The following CSNK1D variants were observed in gnomAD, a reference collection of about 807,000 sequenced individuals.
CSNK1D encodes the protein casein kinase 1 delta.
A neutral mutation model predicts 46.6 loss-of-function variants in CSNK1D; 16 were observed. The observed-to-expected ratio is 0.34, with a 90% CI of 0.23 to 0.52. CSNK1D has a LOEUF of 0.52. Among genes scored for constraint, CSNK1D ranks in the 20% least tolerant of loss-of-function variants. The pLI is 0.95. For missense variants in CSNK1D, 398 were observed against 578.4 expected (o/e 0.69, Z 3.20); for synonymous variants, 276 against 228.2 (o/e 1.21, Z -1.89).
chr17:82,255,412 CA>C lies in CSNK1D; in HGVS notation c.336+16del, dbSNP rs774889675. ...CAGACAGCAAGTGTGTGCCAACTGT[CA>C]GGAAACAGTCCTTACCATTTGGTCA... On this transcript the variant is annotated intron_variant, in intron 3 of 8. Coordinates refer to ENST00000314028, the MANE Select transcript of CSNK1D (RefSeq NM_001893.6). This position sits in a 1 kb window ranked among gnomAD's most constrained non-coding sequence, Gnocchi z 5.9. 2.8e-5 allele frequency: 46 copies of C among 1,614,070 alleles called. 1 individual carries two copies. The South Asian group carries it at 4.8e-4, about 17-fold the overall frequency.
At chr17:82,242,223 G>C (rs978658286), downstream of CSNK1D, among the ~76,000 whole-genome samples, 2 of 150,402 alleles carry the variant, frequency 1.3e-5, no homozygotes, top group Non-Finnish European at 3.0e-5. Context: ...GGGGGGGGGG[G>C]GAAGAGGAAC....
At position 82,248,812 on chromosome 17, in the gene CSNK1D, C is replaced by A. The variant is rs775762408; in HGVS notation, c.1197+63G>T. On this transcript the variant is annotated intron_variant, in intron 8 of 8. Transcript: ENST00000314028. This position sits in a 1 kb window ranked among gnomAD's most constrained non-coding sequence, Gnocchi z 4.1. ...AGAAGAAGCCCTGGAGAAACCACAGCCCGCTCTTGACTCGGACGGGGTAGC... is the reference window on the plus strand; with the variant it reads ...AGAAGAAGCCCTGGAGAAACCACAGACCGCTCTTGACTCGGACGGGGTAGC... 1.5e-5 allele frequency: 24 copies of A among 1,569,560 alleles called. No individual in the cohort carries two copies. Among genetic ancestry groups the A allele is most frequent in the Non-Finnish European group, 1.2e-5 (14 of 1,157,650 alleles).
At chr17:82,246,085 CCT>C (rs577609770) in intron 8 of CSNK1D, 321 of 1,580,372 alleles carry the variant, frequency 2.0e-4, no homozygotes, top group Admixed American at 1.1e-3. Flanking sequence ...CCGCTGGCCC[CCT>C]GACTACCTGT....
At chr17:82,246,903 G>C in intron 8 of CSNK1D, 1 of 985,668 alleles carries the variant, frequency 1.0e-6, no homozygotes, top group Non-Finnish European at 1.2e-6. Flanking sequence ...GAGGCGCTCA[G>C]AGCAATTGAG....
intron 2 of CSNK1D, among the ~76,000 whole-genome samples, chr17:82,256,279 A>G (rs1310095273): frequency 6.6e-6 from 1 of 152,172 alleles, no homozygotes; most frequent in African/African-American, 2.4e-5. Context: ...GGGAGGCTGA[A>G]ACGGGAGGAC....
Position 82,244,828 on chromosome 17 carries a change from G to C in CSNK1D, c.1201C>G (p.Pro401Ala), listed in dbSNP as rs56124628. 1,452 of 1,613,826 alleles carry C rather than the reference G, an allele frequency of 9.0e-4. 1 individual carries two copies. Among genetic ancestry groups the C allele is most frequent in the Non-Finnish European group, 1.1e-3 (1,344 of 1,180,038 alleles). Residue 401 changes from proline (P) to alanine (A), a missense_variant, in exon 9 of 9, where the codon CCT (proline) becomes GCT (alanine). Pro to Ala is a conservative substitution (Grantham distance 27, BLOSUM62 -1). Coordinates refer to ENST00000314028, the MANE Select transcript of CSNK1D (RefSeq NM_001893.6). ...AGACCACTGGAAGCCACCCGACCAGGAATCTGTCGGAGCCAAAGCACAGGA... is the reference window on the plus strand; with the variant it reads ...AGACCACTGGAAGCCACCCGACCAGCAATCTGTCGGAGCCAAAGCACAGGA... The part of the protein sequence containing the change: ...DTSRMSTSQI[P>A]GRVASSGLQS...
chr17:82,264,257 G>A (rs1171717138), intron 2 of CSNK1D, among the ~76,000 whole-genome samples: 1 of 152,222 alleles, frequency 6.6e-6, no homozygotes, highest in African/African-American at 2.4e-5. Context: ...CTTCTCACTG[G>A]GAGGGCTCCA....
chr17:82,261,341 C>T (rs551477305), intron 2 of CSNK1D, among the ~76,000 whole-genome samples: 2 of 152,172 alleles, frequency 1.3e-5, no homozygotes, highest in South Asian at 4.2e-4. Flanking sequence ...GAAGCGGCCA[C>T]TCATGCTGCT....
chr17:82,245,337 G>A (rs753000926), intron 8 of CSNK1D: 65 of 262,544 alleles, frequency 2.5e-4, no homozygotes, highest in Non-Finnish European at 3.8e-4. Flanking sequence ...CGTGGACGCC[G>A]GCCATGCACC....
At chr17:82,256,032 G>A (rs2051166833) in intron 2 of CSNK1D, among the ~76,000 whole-genome samples, 1 of 152,242 alleles carries the variant, frequency 6.6e-6, no homozygotes, top group Non-Finnish European at 1.5e-5. Flanking sequence ...TTACTCCGAT[G>A]TTGGTAGAAG....
chr17:82,257,137 C>T (rs1251133550), intron 2 of CSNK1D, among the ~76,000 whole-genome samples: 1 of 151,968 alleles, frequency 6.6e-6, no homozygotes, highest in Non-Finnish European at 1.5e-5. Flanking sequence ...TTTTACTGGC[C>T]ACATGTATCG....
At chr17:82,260,208 G>A (rs1281362915) in intron 2 of CSNK1D, among the ~76,000 whole-genome samples, 1 of 150,890 alleles carries the variant, frequency 6.6e-6, no homozygotes, top group Non-Finnish European at 1.5e-5. Context: ...ATGGTGTACT[G>A]ACTGATGTGA....
chr17:82,242,324 A>G (rs893250659), downstream of CSNK1D, among the ~76,000 whole-genome samples: 1 of 152,138 alleles, frequency 6.6e-6, no homozygotes, highest in Non-Finnish European at 1.5e-5. Flanking sequence ...CCACGGCCCT[A>G]TGGCAGGGGG....
At position 82,251,056 on chromosome 17, in the gene CSNK1D, C is replaced by A. The variant is rs114393820; in HGVS notation, c.885+323G>T. 957 of 395,396 alleles carry A rather than the reference C, an allele frequency of 2.4e-3. 4 individuals are homozygous for A. The highest frequency in any genetic ancestry group is 0.019 in the African/African-American group (901 of 48,566). 24.5% of individuals were successfully genotyped at this position (395,396 alleles called of 1,614,324 possible). A position where few individuals can be genotyped will look rare whatever the true frequency, so the allele number is the denominator to read the frequency against. ...TGGCACAGCGAATGGGAATGCGCACCCCCAGCCCCCACCCTCTGCCCCCAG... is the reference window on the plus strand; with the variant it reads ...TGGCACAGCGAATGGGAATGCGCACACCCAGCCCCCACCCTCTGCCCCCAG... On this transcript the variant is annotated intron_variant, in intron 6 of 8. Transcript: ENST00000314028. The surrounding 1 kb of genome is among the most constrained non-coding windows in gnomAD (Gnocchi z 4.5).
chr17:82,253,360 G>C lies in CSNK1D; in HGVS notation c.337-116C>G, dbSNP rs1475548678. 3.3e-6 allele frequency: 3 copies of C among 903,606 alleles called. No individual in the cohort carries two copies. The East Asian group carries it at 7.2e-5, about 22-fold the overall frequency. The allele number at this position is 903,606 out of a possible 1,614,324, so 56.0% of individuals were successfully genotyped here. On this transcript the variant is annotated intron_variant, in intron 3 of 8. Coordinates refer to ENST00000314028, the MANE Select transcript of CSNK1D (RefSeq NM_001893.6). The stretch of plus-strand genomic sequence containing the variant: ...TGTTCCTGCCCCTCAGCCACAGCAG[G>C]GTAGTTTAACAATTAGCGAGGGGGA...
rs1001662630 is a variant in CSNK1D, at chr17:82,244,672, G to C, written c.*109C>G. ...TGGGTGAGTGGCCTGGAGAGCTCCCGGTGTTAACATTTCGATCCTAGACCG... is the reference window on the plus strand; with the variant it reads ...TGGGTGAGTGGCCTGGAGAGCTCCCCGTGTTAACATTTCGATCCTAGACCG... On this transcript the variant is annotated 3_prime_UTR_variant, in exon 9 of 9. Coordinates refer to ENST00000314028, the MANE Select transcript of CSNK1D (RefSeq NM_001893.6). 5 of 1,584,562 alleles carry C rather than the reference G, an allele frequency of 3.2e-6. No homozygotes were observed. The African/African-American group carries it at 5.4e-5, about 17-fold the overall frequency.
chr17:82,272,625 G>A (rs1005062273), intron 1 of CSNK1D, among the ~76,000 whole-genome samples: 1 of 152,154 alleles, frequency 6.6e-6, no homozygotes, highest in Non-Finnish European at 1.5e-5. Context: ...CCGCTCCAAG[G>A]CCAAGGGGAA....
Position 82,248,543 on chromosome 17 carries a change from AGGCGAGC to A in CSNK1D, c.1197+325_1197+331del, listed in dbSNP as rs2050909168. The A allele has an allele frequency of 8.6e-6, 10 of 1,168,930 alleles. No homozygotes were observed. In the South Asian group the frequency reaches 1.4e-4, roughly 16 times the overall value. The allele number at this position is 1,168,930 out of a possible 1,614,324, so 72.4% of individuals were successfully genotyped here. On this transcript the variant is annotated intron_variant, in intron 8 of 8. Transcript: ENST00000314028. This position sits in a 1 kb window ranked among gnomAD's most constrained non-coding sequence, Gnocchi z 4.1. Reference sequence around the variant, plus strand: ...GGGGCACCCACAATGGGGCGCAAGCAGGCGAGCGGTGTCAGCTGCCTGGGGACGGCTG... The same window carrying A: ...GGGGCACCCACAATGGGGCGCAAGCAGGTGTCAGCTGCCTGGGGACGGCTG...
Position 82,273,422 on chromosome 17 carries a change from TCC to T in CSNK1D, c.-43_-42del, listed in dbSNP as rs1283264413. On this transcript the variant is annotated 5_prime_UTR_variant, in exon 1 of 9. Coordinates refer to ENST00000314028, the MANE Select transcript of CSNK1D (RefSeq NM_001893.6). The surrounding 1 kb of genome is among the most constrained non-coding windows in gnomAD (Gnocchi z 5.1). Reference sequence around the variant, plus strand: ...ATTCGCTCCTGCCCTCCCGGCCGCTTCCTGGGTCTGAACTCTGGGAGGCGGCG... The same window carrying T: ...ATTCGCTCCTGCCCTCCCGGCCGCTTTGGGTCTGAACTCTGGGAGGCGGCG... 6.2e-7 allele frequency: 1 copy of T among 1,607,866 alleles called. No individual in the cohort carries two copies. The highest frequency in any genetic ancestry group is 1.1e-5 in the South Asian group (1 of 90,586).
Sources: allele counts gnomAD v4.1 joint callset (sites outside exome capture counted in the v4.1 genomes callset), GRCh38; gene constraint gnomAD v4.1.1; non-coding constraint Gnocchi (gnomAD v3.1); transcripts MANE v1.5; gene names NCBI Gene and HGNC (gene_info 2026-07-23, HGNC 2026-07-21).